Variants in HDAC8 observed in about 807,000 individuals in gnomAD.
HDAC8 encodes the protein histone deacetylase 8.
HDAC8 carries 1 observed loss-of-function variant against 32.2 expected under a neutral mutation model. The observed-to-expected ratio is 0.03, with a 90% CI of 0.01 to 0.15. HDAC8 has a LOEUF of 0.15. HDAC8 is among the 10% of genes least tolerant of loss of function. HDAC8 has a pLI of 1.00. For missense variants in HDAC8, 117 were observed against 300.0 expected, an observed-to-expected ratio of 0.39 and a Z score of 4.51; for synonymous variants, 108 against 113.9, an observed-to-expected ratio of 0.95 and a Z score of 0.33.
chrX:72,528,288 G>A (rs2050221333), intron 4 of HDAC8, among the ~76,000 whole-genome samples: 1 of 111,789 alleles, frequency 8.9e-6, no homozygotes, highest in African/African-American at 3.3e-5. Context: ...GAAAGCATTT[G>A]TTGAATGAAC....
intron 9 of HDAC8, among the ~76,000 whole-genome samples, chrX:72,368,719 C>T (rs2044777979): frequency 1.8e-5 from 2 of 112,303 alleles, no homozygotes; most frequent in African/African-American, 3.2e-5. Context: ...CTGTCCTTCC[C>T]CATTGGGCCG....
chrX:72,389,402 T>C (rs2045551377), intron 9 of HDAC8, among the ~76,000 whole-genome samples: 1 of 112,125 alleles, frequency 8.9e-6, no homozygotes, highest in Non-Finnish European at 1.9e-5. Context: ...TCAAAGGCTT[T>C]GTGAGGAAGC....
chrX:72,497,058 T>C (rs1181375753), intron 4 of HDAC8, among the ~76,000 whole-genome samples: 2 of 111,706 alleles, frequency 1.8e-5, no homozygotes, highest in African/African-American at 6.5e-5. Flanking sequence ...TTCCTCAGCA[T>C]GCCCATAAGA....
At chrX:72,514,149 G>A (rs782754633) in intron 4 of HDAC8, among the ~76,000 whole-genome samples, 1 of 112,464 alleles carries the variant, frequency 8.9e-6, no homozygotes, top group East Asian at 2.8e-4. Flanking sequence ...TGGAAGATAT[G>A]ATGTAAGGTC....
intron 10 of HDAC8, among the ~76,000 whole-genome samples, chrX:72,331,339 G>C (rs1314906426): frequency 1.8e-5 from 2 of 111,324 alleles, no homozygotes; most frequent in Non-Finnish European, 3.8e-5. Context: ...ACAGAGAGGA[G>C]TTCCATAACC....
At chrX:72,520,851 A>G (rs988825790) in intron 4 of HDAC8, among the ~76,000 whole-genome samples, 2 of 112,060 alleles carry the variant, frequency 1.8e-5, no homozygotes, top group African/African-American at 6.5e-5. Context: ...AGTCCAGGCT[A>G]GTTCACTTGT....
intron 4 of HDAC8, among the ~76,000 whole-genome samples, chrX:72,512,440 A>G (rs782332360): frequency 1.8e-5 from 2 of 111,748 alleles, no homozygotes; most frequent in Admixed American, 9.5e-5. Context: ...TTAAAAATGC[A>G]TAAAATGTGC....
chrX:72,381,270 T>C (rs1465263872), intron 9 of HDAC8, among the ~76,000 whole-genome samples: 2 of 111,777 alleles, frequency 1.8e-5, no homozygotes, highest in African/African-American at 6.5e-5. Context: ...TAATATAAAA[T>C]ATAACCCTCT....
intron 9 of HDAC8, among the ~76,000 whole-genome samples, chrX:72,431,329 A>G (rs1429214108): frequency 9.0e-6 from 1 of 111,623 alleles, no homozygotes; most frequent in East Asian, 2.8e-4. Flanking sequence ...ATGCACTTGC[A>G]GGTTTCTTGT....
At chrX:72,441,161 G>C (rs1006013941) in intron 9 of HDAC8, among the ~76,000 whole-genome samples, 5 of 112,795 alleles carry the variant, frequency 4.4e-5, no homozygotes, top group African/African-American at 1.6e-4. Context: ...ATGTCCCTGT[G>C]TGACAGCTTT....
chrX:72,467,310 A>G (rs782030942), intron 7 of HDAC8: 5 of 111,743 alleles, frequency 4.5e-5, no homozygotes, highest in Non-Finnish European at 9.4e-5. Context: ...ATTGTATAAG[A>G]TGTCAACATT....
intron 9 of HDAC8, among the ~76,000 whole-genome samples, chrX:72,448,786 C>T (rs2047490999): frequency 8.9e-6 from 1 of 112,699 alleles, no homozygotes; most frequent in African/African-American, 3.2e-5. Flanking sequence ...ACCGACACTT[C>T]TCTAAAGAAG....
chrX:72,415,989 T>C (rs2046323406), intron 9 of HDAC8, among the ~76,000 whole-genome samples: 1 of 111,576 alleles, frequency 9.0e-6, no homozygotes, highest in African/African-American at 3.3e-5. Context: ...ATACGGTCTT[T>C]CTTTTTTTGG....
intron 9 of HDAC8, among the ~76,000 whole-genome samples, chrX:72,370,794 G>A (rs1226999538): frequency 1.8e-5 from 2 of 112,348 alleles, no homozygotes; most frequent in African/African-American, 6.5e-5. Flanking sequence ...CATCCAGCAT[G>A]AGAGAAAGAT....
chrX:72,474,102 A>T, intron 7 of HDAC8: 6 of 742,554 alleles, frequency 8.1e-6, no homozygotes, highest in Non-Finnish European at 8.0e-6. Flanking sequence ...ACACTCATAT[A>T]CATTCACACA....
chrX:72,567,123 C>T (rs1296101835), intron 4 of HDAC8, among the ~76,000 whole-genome samples: 3 of 111,747 alleles, frequency 2.7e-5, no homozygotes, highest in Admixed American at 1.9e-4. Context: ...CTAGCCTGAA[C>T]GACAGGGCGA....
At chrX:72,384,873 C>T (rs2045378059) in intron 9 of HDAC8, among the ~76,000 whole-genome samples, 1 of 111,871 alleles carries the variant, frequency 8.9e-6, no homozygotes, top group Non-Finnish European at 1.9e-5. Context: ...TAAGAAAACA[C>T]ATTGTACACG....
intron 9 of HDAC8, among the ~76,000 whole-genome samples, chrX:72,452,259 C>T (rs1197424575): frequency 8.9e-6 from 1 of 111,933 alleles, no homozygotes; most frequent in African/African-American, 3.2e-5. Flanking sequence ...AGTTCGAGAC[C>T]AGCCTGGCCA....
intron 4 of HDAC8, among the ~76,000 whole-genome samples, chrX:72,550,954 T>C (rs1182444243): frequency 9.0e-6 from 1 of 111,232 alleles, no homozygotes; most frequent in Non-Finnish European, 1.9e-5. Flanking sequence ...TCTAACCCCA[T>C]CCATCTGTTC....
Sources: gnomAD v4.1 joint callset for allele counts (sites outside exome capture counted in the v4.1 genomes callset) on GRCh38, gnomAD v4.1.1 for gene constraint, MANE v1.5 for transcripts, NCBI Gene and HGNC (gene_info 2026-07-23, HGNC 2026-07-21) for gene names.